CNBD1: variants seen among roughly 807,000 people sequenced by gnomAD.
CNBD1 encodes the protein cyclic nucleotide-binding domain-containing protein 1.
CNBD1 carries 71 observed loss-of-function variants against 54.4 expected under a neutral mutation model. That is an observed-to-expected ratio of 1.30 (90% confidence interval 1.08 to 1.59). CNBD1 has a LOEUF of 1.59. Ranked by LOEUF, CNBD1 falls within the 40% of genes most tolerant of loss-of-function variation. The pLI, the probability that CNBD1 is intolerant of heterozygous loss-of-function variation, is 0.00. For synonymous variants in CNBD1, 182 were observed against 170.7 expected (o/e 1.07, Z -0.51); for missense variants, 659 against 518.0 (o/e 1.27, Z -2.64).
chr8:87,371,320 G>A (rs1435819667), intron 10 of CNBD1, among the ~76,000 whole-genome samples: 2 of 152,020 alleles, frequency 1.3e-5, no homozygotes, highest in Non-Finnish European at 2.9e-5. Flanking sequence ...ACCTTGGGCA[G>A]TATGGCCATT....
intron 2 of CNBD1, among the ~76,000 whole-genome samples, chr8:87,389,198 G>T (rs1229583283): frequency 1.3e-5 from 2 of 152,250 alleles, no homozygotes; most frequent in African/African-American, 4.8e-5. Flanking sequence ...CACAAGACAG[G>T]GATGCCCTCT....
intron 6 of CNBD1, among the ~76,000 whole-genome samples, chr8:87,252,112 A>AT (rs1323359157): frequency 6.6e-6 from 1 of 152,050 alleles, no homozygotes; most frequent in Non-Finnish European, 1.5e-5. Flanking sequence ...ATTCATTTCT[A>AT]TTTTTCCATT....
At chr8:86,957,847 T>G (rs1807819111) in intron 4 of CNBD1, among the ~76,000 whole-genome samples, 1 of 152,202 alleles carries the variant, frequency 6.6e-6, no homozygotes, top group Non-Finnish European at 1.5e-5. Flanking sequence ...TGCTCTGATC[T>G]TAGTTATTTC....
intron 5 of CNBD1, among the ~76,000 whole-genome samples, chr8:87,217,452 C>A (rs1483347213): frequency 1.3e-5 from 2 of 151,648 alleles, no homozygotes; most frequent in African/African-American, 4.8e-5. Context: ...ATGAGGATTT[C>A]AGAAAAATAT....
chr8:87,428,522 G>C (rs1443311645), intron 2 of CNBD1: 2 of 428,532 alleles, frequency 4.7e-6, no homozygotes, highest in African/African-American at 4.1e-5. Flanking sequence ...GATATTCTAA[G>C]TGTTTTCTTC....
intron 4 of CNBD1, among the ~76,000 whole-genome samples, chr8:87,136,586 A>T (rs1352051270): frequency 1.3e-5 from 1 of 76,508 alleles, no homozygotes; most frequent in African/African-American, 5.3e-5. Context: ...ATTATATATA[A>T]ATTATATATT....
At chr8:87,300,847 C>T (rs974546387) in intron 8 of CNBD1, among the ~76,000 whole-genome samples, 3 of 151,800 alleles carry the variant, frequency 2.0e-5, no homozygotes, top group Admixed American at 1.3e-4. Flanking sequence ...AGAGGGACAA[C>T]AAATAAAATC....
intron 8 of CNBD1, among the ~76,000 whole-genome samples, chr8:87,339,287 A>G (rs1810015052): frequency 6.6e-6 from 1 of 152,202 alleles, no homozygotes. Context: ...GCATCATAGT[A>G]ATGGGTTCTC....
intron 6 of CNBD1, among the ~76,000 whole-genome samples, chr8:87,283,547 T>C (rs992427560): frequency 6.6e-6 from 1 of 152,268 alleles, no homozygotes; most frequent in East Asian, 1.9e-4. Context: ...ATTTTTCAGC[T>C]TTGGGTCTTC....
At chr8:87,390,486 A>T (rs572616142) in intron 2 of CNBD1, among the ~76,000 whole-genome samples, 2 of 152,358 alleles carry the variant, frequency 1.3e-5, no homozygotes, top group East Asian at 3.9e-4. Context: ...AGAAACATGA[A>T]AAAATGCTCA....
intron 4 of CNBD1, among the ~76,000 whole-genome samples, chr8:87,165,043 G>A (rs1196018917): frequency 2.7e-5 from 4 of 150,746 alleles, no homozygotes; most frequent in African/African-American, 9.8e-5. Flanking sequence ...CCCATTGGTT[G>A]TTCAGGAGTG....
downstream of CNBD1, among the ~76,000 whole-genome samples, chr8:87,386,200 G>C (rs1811183460): frequency 6.6e-6 from 1 of 152,126 alleles, no homozygotes; most frequent in Non-Finnish European, 1.5e-5. Context: ...CTAAAAATCA[G>C]AGCACCTCTC....
At chr8:87,254,586 G>C (rs1251255239) in intron 6 of CNBD1, among the ~76,000 whole-genome samples, 2 of 152,148 alleles carry the variant, frequency 1.3e-5, no homozygotes, top group African/African-American at 2.4e-5. Flanking sequence ...TGCATGTAGA[G>C]GGATGGTGCT....
chr8:87,263,601 G>A (rs892225301), intron 6 of CNBD1, among the ~76,000 whole-genome samples: 1 of 151,846 alleles, frequency 6.6e-6, no homozygotes, highest in African/African-American at 2.4e-5. Flanking sequence ...GACATCCAAC[G>A]AACACAGTTC....
chr8:86,941,886 C>A (rs1488502069), intron 4 of CNBD1, among the ~76,000 whole-genome samples: 3 of 152,140 alleles, frequency 2.0e-5, no homozygotes, highest in Non-Finnish European at 2.9e-5. Context: ...GTTTCCAGAA[C>A]CCACTTCCTC....
rs1400876601 is a variant in CNBD1, at chr8:87,322,790, C to G, written c.1043-28895C>G. ...TCTGATGGTAGTTTCTTTTGCTGTGCAGAAGCTCTTTAGTTTAATTAGATC... is the reference window on the plus strand; with the variant it reads ...TCTGATGGTAGTTTCTTTTGCTGTGGAGAAGCTCTTTAGTTTAATTAGATC... On this transcript the variant is annotated intron_variant, in intron 8 of 10. Transcript: ENST00000518476. 3.9e-4 allele frequency among the ~76,000 whole-genome samples: 37 copies of G among 95,108 alleles called. 2 individuals carry two copies. The highest frequency in any genetic ancestry group is 1.5e-3 in the African/African-American group (36 of 24,230). The allele number at this position is 95,108 out of a possible 152,430, so 62.4% of individuals were successfully genotyped here.
intron 4 of CNBD1, among the ~76,000 whole-genome samples, chr8:87,168,346 A>T (rs1382072001): frequency 6.6e-6 from 1 of 152,066 alleles, no homozygotes; most frequent in Non-Finnish European, 1.5e-5. Context: ...AGATATTTTG[A>T]CACAGGCATG....
chr8:87,353,982 T>C (rs1810363615), intron 10 of CNBD1, 196 bp downstream of exon 10: 2 of 408,774 alleles, frequency 4.9e-6, no homozygotes, highest in Non-Finnish European at 8.8e-6. Flanking sequence ...GTTTGTAGAG[T>C]GGGCTGGAAG....
At chr8:86,926,986 G>T (rs1307824868) in intron 3 of CNBD1, among the ~76,000 whole-genome samples, 2 of 152,168 alleles carry the variant, frequency 1.3e-5, no homozygotes, top group East Asian at 3.9e-4. Context: ...CAATGTCAAT[G>T]TTGGGACTTA....
Sources: allele counts gnomAD v4.1 joint callset (sites outside exome capture counted in the v4.1 genomes callset), GRCh38; gene constraint gnomAD v4.1.1; transcripts MANE v1.5; gene names NCBI Gene and HGNC (gene_info 2026-07-23, HGNC 2026-07-21).